ZDHHC15: variants seen among roughly 807,000 people sequenced by gnomAD.
ZDHHC15 encodes the protein zDHHC palmitoyltransferase 15.
A neutral mutation model predicts 31.7 loss-of-function variants in ZDHHC15; 19 were observed. The ratio of observed to expected loss-of-function variants is 0.60; its 90% CI spans 0.42 to 0.88. The LOEUF is 0.88. Ranked by LOEUF, ZDHHC15 falls within the 40% of genes least tolerant of loss-of-function variation. ZDHHC15 has a pLI of 0.00. For synonymous variants in ZDHHC15, 103 were observed against 90.0 expected, an observed-to-expected ratio of 1.14 and a Z score of -0.82; for missense variants, 209 against 251.2, an observed-to-expected ratio of 0.83 and a Z score of 1.14.
At chrX:75,478,355 T>A (rs1481145302) in intron 3 of ZDHHC15, among the ~76,000 whole-genome samples, 2 of 111,248 alleles carry the variant, frequency 1.8e-5, no homozygotes, top group African/African-American at 3.3e-5. Context: ...TGTTTTCTAA[T>A]TATATCACCA....
chrX:75,421,491 A>G lies in ZDHHC15; in HGVS notation c.863+373T>C, dbSNP rs780615682. On this transcript the variant is annotated intron_variant, in intron 9 of 11. Coordinates refer to ENST00000373367, the MANE Select transcript of ZDHHC15 (RefSeq NM_144969.3). ...TGGCTGTTTAGGTTGTTTCCTAATT[A>G]TTGGCTATAAATAATGCTGTGATGA... is the stretch of plus-strand genomic sequence containing the variant. Among the ~76,000 whole-genome samples, 190 of 76,840 alleles carry G rather than the reference A, an allele frequency of 2.5e-3. 5 individuals carry two copies. The highest frequency in any genetic ancestry group is 4.6e-4 in the Non-Finnish European group (20 of 43,734). The allele number at this position is 76,840 out of a possible 115,157, so 66.7% of individuals were successfully genotyped here. A position where few individuals can be genotyped will look rare whatever the true frequency, so the allele number is the denominator to read the frequency against.
intron 11 of ZDHHC15, among the ~76,000 whole-genome samples, chrX:75,376,870 A>G (rs1217866435): frequency 9.0e-6 from 1 of 111,488 alleles, no homozygotes; most frequent in African/African-American, 3.3e-5. Context: ...TATGGCAATA[A>G]TTTTTTATAT....
intron 2 of ZDHHC15, among the ~76,000 whole-genome samples, chrX:75,488,594 A>G (rs1169603623): frequency 1.8e-5 from 2 of 112,474 alleles, no homozygotes; most frequent in Non-Finnish European, 3.8e-5. Context: ...CACAGGACAT[A>G]TTAAAAAATA....
At chrX:75,402,891 A>C (rs2083372305) in intron 10 of ZDHHC15, among the ~76,000 whole-genome samples, 2 of 111,064 alleles carry the variant, frequency 1.8e-5, no homozygotes, top group African/African-American at 6.5e-5. Flanking sequence ...GGCCAGCATT[A>C]TCTTGATACC....
In ZDHHC15 at chrX:75,456,149, T is replaced by C. The variant is rs769254907; in HGVS notation, c.259-5227A>G. ...CTGGATTAAGAAAATGTGGCACATA[T>C]ACACCATGGAATACTATGCAGCCAT... On this transcript the variant is annotated intron_variant, in intron 3 of 11. Coordinates refer to ENST00000373367, the MANE Select transcript of ZDHHC15 (RefSeq NM_144969.3). 8.1e-5 allele frequency among the ~76,000 whole-genome samples: 9 copies of C among 111,527 alleles called. No homozygotes were observed. The Admixed American group carries it at 8.6e-4, about 11-fold the overall frequency.
At chrX:75,519,531 G>A (rs2085415536) in intron 1 of ZDHHC15, among the ~76,000 whole-genome samples, 1 of 111,784 alleles carries the variant, frequency 8.9e-6, no homozygotes, top group African/African-American at 3.2e-5. Context: ...CTAGTAAATG[G>A]CAGAATTCAA....
chrX:75,426,761 C>T (rs1307571986), intron 7 of ZDHHC15, among the ~76,000 whole-genome samples: 1 of 111,349 alleles, frequency 9.0e-6, no homozygotes, highest in Non-Finnish European at 1.9e-5. Flanking sequence ...AGCTAGAGCT[C>T]TCCACAGCAG....
chrX:75,462,138 T>C (rs997014696), intron 3 of ZDHHC15, among the ~76,000 whole-genome samples: 3 of 111,452 alleles, frequency 2.7e-5, no homozygotes, highest in Non-Finnish European at 5.7e-5. Flanking sequence ...TCCTAGTTTC[T>C]AACAAAACTG....
chrX:75,420,763 A>G lies in ZDHHC15; in HGVS notation c.863+1101T>C, dbSNP rs139260939. On this transcript the variant is annotated intron_variant, in intron 9 of 11. Coordinates refer to ENST00000373367, the MANE Select transcript of ZDHHC15 (RefSeq NM_144969.3). The stretch of plus-strand genomic sequence containing the variant: ...AGTGGGAGTTGATCAATGAGAACAC[A>G]TGGACATAGGGAGGGGAACATCACA... Among the ~76,000 whole-genome samples the G allele has an allele frequency of 9.4e-3, 1,042 of 110,723 alleles. 16 individuals carry two copies. Among genetic ancestry groups the G allele is most frequent in the African/African-American group, 0.033 (999 of 30,476 alleles).
intron 4 of ZDHHC15, among the ~76,000 whole-genome samples, chrX:75,447,889 C>T (rs2084056182): frequency 9.0e-6 from 1 of 111,362 alleles, no homozygotes; most frequent in South Asian, 3.8e-4. Flanking sequence ...GGACAAGAGG[C>T]AGGTGCAATG....
chrX:75,476,897 T>C (rs946254610), intron 3 of ZDHHC15, among the ~76,000 whole-genome samples: 1 of 111,007 alleles, frequency 9.0e-6, no homozygotes, highest in South Asian at 3.8e-4. Flanking sequence ...TCTGTTCTAA[T>C]CTTTATTATT....
At chrX:75,467,372 C>T (rs1290803453) in intron 3 of ZDHHC15, among the ~76,000 whole-genome samples, 2 of 111,688 alleles carry the variant, frequency 1.8e-5, no homozygotes, top group Admixed American at 9.6e-5. Flanking sequence ...GTCTACTTAA[C>T]AAACTGGCTT....
intron 3 of ZDHHC15, among the ~76,000 whole-genome samples, chrX:75,460,397 G>T (rs944366337): frequency 9.0e-6 from 1 of 110,818 alleles, no homozygotes; most frequent in Non-Finnish European, 1.9e-5. Context: ...GACAAGGATG[G>T]GTTCCCTCCA....
At chrX:75,447,522 G>C (rs960254787) in intron 4 of ZDHHC15, among the ~76,000 whole-genome samples, 2 of 111,661 alleles carry the variant, frequency 1.8e-5, no homozygotes, top group African/African-American at 6.5e-5. Context: ...GTGATGACAT[G>C]GTCTTTTGAA....
intron 3 of ZDHHC15, among the ~76,000 whole-genome samples, chrX:75,473,091 T>G (rs1231376856): frequency 8.9e-6 from 1 of 112,080 alleles, no homozygotes; most frequent in Non-Finnish European, 1.9e-5. Flanking sequence ...GCACTGCCTC[T>G]AACCAATGCA....
intron 9 of ZDHHC15, among the ~76,000 whole-genome samples, chrX:75,417,941 C>G (rs2083566951): frequency 8.9e-6 from 1 of 111,944 alleles, no homozygotes; most frequent in African/African-American, 3.2e-5. Context: ...TTCTCCTGTT[C>G]ATGTATGTGG....
intron 1 of ZDHHC15, among the ~76,000 whole-genome samples, chrX:75,506,294 A>G (rs968394185): frequency 8.9e-6 from 1 of 112,003 alleles, no homozygotes; most frequent in Non-Finnish European, 1.9e-5. Flanking sequence ...AACAAACAAA[A>G]CAAACAAAAG....
intron 10 of ZDHHC15, among the ~76,000 whole-genome samples, chrX:75,389,764 G>T (rs2083220852): frequency 9.0e-6 from 1 of 110,689 alleles, no homozygotes; most frequent in Non-Finnish European, 1.9e-5. Flanking sequence ...CTACCTTTAG[G>T]TGTCACCCAA....
intron 3 of ZDHHC15, among the ~76,000 whole-genome samples, chrX:75,473,375 C>T (rs2084534285): frequency 9.0e-6 from 1 of 111,503 alleles, no homozygotes; most frequent in African/African-American, 3.3e-5. Context: ...GGAAGTGGCA[C>T]TACTCACTAT....
Sources: gnomAD v4.1 joint callset for allele counts (sites outside exome capture counted in the v4.1 genomes callset) on GRCh38, gnomAD v4.1.1 for gene constraint, MANE v1.5 for transcripts, NCBI Gene and HGNC (gene_info 2026-07-23, HGNC 2026-07-21) for gene names.